Variants in RHOBTB1 observed in about 807,000 individuals in gnomAD.
RHOBTB1 encodes rho-related BTB domain-containing protein 1.
A neutral mutation model predicts 71.6 loss-of-function variants in RHOBTB1; 40 were observed. That is an observed-to-expected ratio of 0.56 (90% CI 0.43 to 0.73). The LOEUF (loss-of-function observed/expected upper bound fraction) is 0.73. Ranked by LOEUF, RHOBTB1 falls within the 30% of genes least tolerant of loss-of-function variation. The pLI, the probability that RHOBTB1 is intolerant of heterozygous loss-of-function variation, is 0.00. For missense variants in RHOBTB1, 797 were observed against 894.0 expected, an observed-to-expected ratio of 0.89 and a Z score of 1.38; for synonymous variants, 319 against 334.9, an observed-to-expected ratio of 0.95 and a Z score of 0.52.
At chr10:60,937,946 G>A (rs1286794824) in intron 2 of RHOBTB1, among the ~76,000 whole-genome samples, 1 of 152,126 alleles carries the variant, frequency 6.6e-6, no homozygotes, top group South Asian at 2.1e-4. Context: ...AACCCTCTGA[G>A]GGGGGAGGGG....
intron 2 of RHOBTB1, among the ~76,000 whole-genome samples, chr10:60,971,070 A>G (rs1451501879): frequency 6.6e-6 from 1 of 152,050 alleles, no homozygotes; most frequent in Non-Finnish European, 1.5e-5. Flanking sequence ...TCTTACCATC[A>G]TCATTATCAT....
chr10:60,895,077 T>C (rs552844719), intron 4 of RHOBTB1, among the ~76,000 whole-genome samples: 27 of 152,310 alleles, frequency 1.8e-4, no homozygotes, highest in Non-Finnish European at 1.8e-4. Context: ...CTTGTGATGA[T>C]AGTAGCACAA....
At chr10:60,880,380 CTT>C (rs1364138480) in intron 7 of RHOBTB1, among the ~76,000 whole-genome samples, 1 of 152,022 alleles carries the variant, frequency 6.6e-6, no homozygotes, top group African/African-American at 2.4e-5. Context: ...TAGAAACTTT[CTT>C]TGTTATTCTC....
intron 2 of RHOBTB1, among the ~76,000 whole-genome samples, chr10:60,969,675 A>G (rs1213909047): frequency 6.6e-6 from 1 of 152,130 alleles, no homozygotes; most frequent in Admixed American, 6.6e-5. Flanking sequence ...GTGTTTTAGC[A>G]TCACTTCAGT....
chr10:60,886,211 G>C lies in RHOBTB1; in HGVS notation c.1476C>G (p.Asp492Glu). 2 of 1,613,880 alleles carry C rather than the reference G, an allele frequency of 1.2e-6. No homozygotes were observed. Among genetic ancestry groups the C allele is most frequent in the Non-Finnish European group, 1.7e-6 (2 of 1,179,840 alleles). Residue 492 changes from aspartate (D) to glutamate (E), a missense_variant, in exon 7 of 11, where the codon GAC (aspartate) becomes GAG (glutamate). Around this residue, in one of 2 missense-constraint regions of RHOBTB1, gnomAD observed 658 missense variants for 681.5 expected, o/e 0.97. Coordinates refer to ENST00000337910, the MANE Select transcript of RHOBTB1 (RefSeq NM_014836.5). ...GCTTGTGGGCACTGATGGCTCCATC[G>C]TCCAATTTAAATGTCACGTCTGCCA... ...GTFSDVTFKL[D>E]DGAISAHKPL...
chr10:60,895,679 C>T (rs1387618380), intron 4 of RHOBTB1, among the ~76,000 whole-genome samples: 2 of 152,268 alleles, frequency 1.3e-5, no homozygotes, highest in East Asian at 3.8e-4. Flanking sequence ...GCTGGGATTA[C>T]AGGCGCAAGC....
At chr10:60,915,819 T>C (rs898008928) in intron 2 of RHOBTB1, among the ~76,000 whole-genome samples, 11 of 152,160 alleles carry the variant, frequency 7.2e-5, no homozygotes, top group African/African-American at 2.4e-4. Context: ...CCACACTCCC[T>C]GCCCACACAG....
chr10:60,884,320 A>C lies in RHOBTB1; in HGVS notation c.1575+1792T>G, dbSNP rs567989637. 1.2e-4 allele frequency among the ~76,000 whole-genome samples: 18 copies of C among 152,290 alleles called. No homozygotes were observed. In the South Asian group the frequency reaches 3.5e-3, roughly 30 times the overall value. The stretch of plus-strand genomic sequence containing the variant: ...GCTATTGTTTTTTGCATTTCTTTGA[A>C]AAGTTTGGAAAGATGCTGAGACAAG... On this transcript the variant is annotated intron_variant, in intron 7 of 10. Transcript: ENST00000337910.
chr10:60,886,490 A>AT (rs1158722761), intron 6 of RHOBTB1, among the ~76,000 whole-genome samples: 2 of 151,986 alleles, frequency 1.3e-5, no homozygotes, highest in African/African-American at 4.8e-5. Context: ...AGGAGGGAAT[A>AT]TTTTTTCCTC....
chr10:60,952,555 G>A (rs1196974194), intron 2 of RHOBTB1, among the ~76,000 whole-genome samples: 2 of 152,118 alleles, frequency 1.3e-5, no homozygotes, highest in African/African-American at 4.8e-5. Context: ...CTTGCCACAG[G>A]TCAAATACTT....
Position 60,871,519 on chromosome 10 carries a change from T to C in RHOBTB1, c.2054A>G (p.Lys685Arg), listed in dbSNP as rs938546024. 2.5e-6 allele frequency: 4 copies of C among 1,614,036 alleles called. No homozygotes were observed. The Admixed American group carries it at 6.7e-5, about 27-fold the overall frequency. Residue 685 changes from lysine (K) to arginine (R), a missense_variant, in exon 11 of 11, where the codon AAG becomes AGG. Lys to Arg is a conservative substitution (Grantham distance 26). Around this residue, in one of 2 missense-constraint regions of RHOBTB1, gnomAD observed 658 missense variants for 681.5 expected, o/e 0.97. Coordinates refer to ENST00000337910, the MANE Select transcript of RHOBTB1 (RefSeq NM_014836.5). ...IALNKHRSRR[K>R]WCFWNSSPAV... ...TGGAGATGAATTCCAGAAGCACCAC[T>C]TTCGTCTTGAGCGATGCTTATTTAG...
intron 7 of RHOBTB1, among the ~76,000 whole-genome samples, chr10:60,883,287 C>A (rs964483521): frequency 3.9e-5 from 6 of 152,208 alleles, no homozygotes; most frequent in Non-Finnish European, 1.5e-5. Context: ...GCAGGGTGTG[C>A]TAAACAGGTG....
At position 60,911,460 on chromosome 10, in the gene RHOBTB1, G is replaced by A. The variant is rs770808106; in HGVS notation, c.83C>T (p.Thr28Met). The A allele has an allele frequency of 1.3e-5, 21 of 1,614,062 alleles. No homozygotes were observed. Among genetic ancestry groups the A allele is most frequent in the South Asian group, 1.1e-5 (1 of 91,092 alleles). ...GCACGCCCTGGCACAGATCAAGCGC[G>A]TCTTCCCCACGGCATTGTCACCCAC... ...VVVGDNAVGK[T>M]RLICARACNT... The change falls in exon 3 of 11, where the codon ACG becomes ATG. Residue 28 changes from threonine to methionine, a missense_variant. Transcript: ENST00000337910.
intron 2 of RHOBTB1, among the ~76,000 whole-genome samples, chr10:60,922,783 G>GGAAAAAT (rs2083645204): frequency 6.6e-6 from 1 of 151,958 alleles, no homozygotes; most frequent in African/African-American, 2.4e-5. Flanking sequence ...TATGGAAAAA[G>GGAAAAAT]ATTCTCTCTG....
intron 2 of RHOBTB1, among the ~76,000 whole-genome samples, chr10:60,918,545 T>C (rs1183647233): frequency 6.6e-6 from 1 of 152,114 alleles, no homozygotes; most frequent in African/African-American, 2.4e-5. Flanking sequence ...GGGCCACTAA[T>C]TGATTTCAGG....
intron 2 of RHOBTB1, among the ~76,000 whole-genome samples, chr10:60,953,462 C>T (rs1441831986): frequency 2.6e-5 from 4 of 152,122 alleles, no homozygotes; most frequent in African/African-American, 9.7e-5. Context: ...TCCTAGGAAA[C>T]AAAAAGTAGT....
At chr10:60,991,298 AC>A (rs1480937802) in intron 1 of RHOBTB1, among the ~76,000 whole-genome samples, 2 of 152,024 alleles carry the variant, frequency 1.3e-5, no homozygotes, top group East Asian at 1.9e-4. Context: ...CAATCTTCTC[AC>A]TGGTCCTAGG....
intron 2 of RHOBTB1, among the ~76,000 whole-genome samples, chr10:60,917,944 T>C (rs1026295435): frequency 3.3e-5 from 5 of 152,350 alleles, no homozygotes; most frequent in African/African-American, 4.8e-5. Context: ...TAAAGAGTTC[T>C]AGCAGAAGCA....
rs759679361 is a variant in RHOBTB1 at position 60,888,450 on chromosome 10, G to T, written c.1218C>A (p.Val406=). 1 of 1,614,066 alleles carries T rather than the reference G, an allele frequency of 6.2e-7. No homozygotes were observed. The highest frequency in any genetic ancestry group is 1.3e-5 in the African/African-American group (1 of 74,926). Residue 406 remains valine, a synonymous_variant, in exon 6 of 11, where the codon GTC becomes GTA. Transcript: ENST00000337910. The stretch of plus-strand genomic sequence containing the variant: ...GCAGGGTCCGAAAAGGGCCTGGCTG[G>T]ACTGAAGCGTCCATCCTGACCACAG... ...PMTVVRMDAS[V]QPGPFRTLLQ...
Sources: allele counts gnomAD v4.1 joint callset (sites outside exome capture counted in the v4.1 genomes callset), GRCh38; gene constraint gnomAD v4.1.1; regional missense constraint gnomAD v4.1.1; transcripts MANE v1.5; gene names NCBI Gene and HGNC (gene_info 2026-07-23, HGNC 2026-07-21).